The following TOM1L2 variants were observed in gnomAD, a reference collection of about 807,000 sequenced individuals.
TOM1L2 encodes target of myb1 like 2 membrane trafficking protein, also known as TOM1-like protein 2.
Under a neutral mutation model 67.9 loss-of-function variants are expected in TOM1L2, and 31 were observed. That is an observed-to-expected ratio of 0.46 (90% CI 0.34 to 0.62). TOM1L2 has a LOEUF of 0.62. Among genes scored for constraint, TOM1L2 ranks in the 20% least tolerant of loss-of-function variants. TOM1L2 has a pLI of 0.01. For synonymous variants in TOM1L2, 256 were observed against 254.0 expected (o/e 1.01, Z -0.07); for missense variants, 606 against 663.5 (o/e 0.91, Z 0.95).
intron 1 of TOM1L2, among the ~76,000 whole-genome samples, chr17:17,917,036 T>G (rs969149400): frequency 1.3e-5 from 2 of 152,086 alleles, no homozygotes; most frequent in Admixed American, 1.3e-4. Context: ...GGCACACACC[T>G]ATAGTCCCAG....
intron 1 of TOM1L2, among the ~76,000 whole-genome samples, chr17:17,947,848 C>A (rs8065416): frequency 3.3e-5 from 5 of 151,860 alleles, no homozygotes; most frequent in Admixed American, 1.3e-4. Context: ...TTTTTAATTT[C>A]TTTTGGTAGC....
intron 1 of TOM1L2, among the ~76,000 whole-genome samples, chr17:17,940,273 G>C (rs2040680879): frequency 6.6e-6 from 1 of 151,720 alleles, no homozygotes; most frequent in South Asian, 2.1e-4. Flanking sequence ...AGCTTATACG[G>C]GTCAAGCACT....
chr17:17,950,464 T>C (rs1056938364), intron 1 of TOM1L2, among the ~76,000 whole-genome samples: 4 of 148,630 alleles, frequency 2.7e-5, no homozygotes, highest in Non-Finnish European at 4.5e-5. Context: ...TAGCCTCTCT[T>C]TTTTTTTTTT....
chr17:17,956,191 G>A (rs1440313775), intron 1 of TOM1L2, among the ~76,000 whole-genome samples: 1 of 152,200 alleles, frequency 6.6e-6, no homozygotes, highest in African/African-American at 2.4e-5. Flanking sequence ...GAACTGATTG[G>A]TCTGTTTTAC....
At chr17:17,938,578 G>A (rs1677072338) in intron 1 of TOM1L2, among the ~76,000 whole-genome samples, 1 of 152,132 alleles carries the variant, frequency 6.6e-6, no homozygotes, top group Admixed American at 6.6e-5. Context: ...TGAGACTCAA[G>A]ATAGGCATGA....
At chr17:17,956,135 T>C (rs1318106396) in intron 1 of TOM1L2, among the ~76,000 whole-genome samples, 1 of 152,222 alleles carries the variant, frequency 6.6e-6, no homozygotes, top group African/African-American at 2.4e-5. Context: ...TTACCACTAC[T>C]GCCTCTGGCC....
At chr17:17,896,848 C>T (rs1289289312) in intron 3 of TOM1L2, among the ~76,000 whole-genome samples, 2 of 152,056 alleles carry the variant, frequency 1.3e-5, no homozygotes, top group Non-Finnish European at 2.9e-5. Flanking sequence ...ATATGAAGTC[C>T]GGAGAGGGCC....
chr17:17,933,687 T>C (rs1025445241), intron 1 of TOM1L2, among the ~76,000 whole-genome samples: 5 of 152,180 alleles, frequency 3.3e-5, no homozygotes, highest in South Asian at 2.1e-4. Context: ...GGAGCCATAA[T>C]AGTTGTCTGA....
intron 12 of TOM1L2, among the ~76,000 whole-genome samples, chr17:17,857,590 C>T (rs2036313642): frequency 1.3e-5 from 2 of 152,174 alleles, no homozygotes; most frequent in African/African-American, 4.8e-5. Flanking sequence ...GAATCTGTGG[C>T]TTACAGAGAT....
chr17:17,886,734 G>A (rs1469239058), intron 4 of TOM1L2, among the ~76,000 whole-genome samples: 19 of 152,216 alleles, frequency 1.2e-4, no homozygotes, highest in Admixed American at 1.2e-3. Flanking sequence ...TGAGATAATA[G>A]GAATAAAGAT....
chr17:17,892,432 G>A (rs2038335846), intron 4 of TOM1L2, among the ~76,000 whole-genome samples: 1 of 152,180 alleles, frequency 6.6e-6, no homozygotes, highest in African/African-American at 2.4e-5. Context: ...CAGGCTGGAT[G>A]TGCCTGTTGA....
At chr17:17,908,011 ACAGT>A (rs1225158381) in intron 1 of TOM1L2, among the ~76,000 whole-genome samples, 1 of 152,238 alleles carries the variant, frequency 6.6e-6, no homozygotes, top group Non-Finnish European at 1.5e-5. Context: ...AGCCTAGCAC[ACAGT>A]CAGTACTATA....
intron 12 of TOM1L2, chr17:17,859,151 A>G (rs1172483851): frequency 6.6e-6 from 1 of 152,112 alleles, no homozygotes; most frequent in African/African-American, 2.4e-5. Context: ...ATGTCGGCTC[A>G]CTGCAACGTC....
chr17:17,929,174 G>C (rs1209783911), intron 1 of TOM1L2, among the ~76,000 whole-genome samples: 1 of 152,208 alleles, frequency 6.6e-6, no homozygotes, highest in Non-Finnish European at 1.5e-5. Context: ...GACTGTGGCT[G>C]CTCAGCAGCG....
intron 1 of TOM1L2, among the ~76,000 whole-genome samples, chr17:17,956,095 C>T (rs1467373341): frequency 6.6e-6 from 1 of 152,164 alleles, no homozygotes; most frequent in Non-Finnish European, 1.5e-5. Context: ...AGAACAAAGC[C>T]TCCCCCGCAC....
intron 6 of TOM1L2, among the ~76,000 whole-genome samples, chr17:17,881,370 G>A (rs971576752): frequency 1.6e-4 from 25 of 152,160 alleles, no homozygotes; most frequent in African/African-American, 5.8e-4. Context: ...GGGGCAACAT[G>A]CCTCAGGGCT....
intron 12 of TOM1L2, chr17:17,859,867 C>T (rs970620328): frequency 1.6e-4 from 24 of 152,288 alleles, no homozygotes; most frequent in African/African-American, 5.3e-4. Flanking sequence ...GGCGCCAGAG[C>T]GAGACTCCAT....
intron 8 of TOM1L2, 29 bp downstream of exon 8, chr17:17,869,308 GAAA>G (rs34879782): frequency 2.1e-4 from 319 of 1,514,340 alleles, no homozygotes; most frequent in South Asian, 5.9e-4. Flanking sequence ...CTTTTCAAGG[GAAA>G]AAAAAAAAAA....
At chr17:17,906,156 T>C (rs1308204850) in intron 2 of TOM1L2, among the ~76,000 whole-genome samples, 2 of 149,044 alleles carry the variant, frequency 1.3e-5, no homozygotes, top group Non-Finnish European at 3.0e-5. Context: ...TGAGACAGGG[T>C]TTTTCTCTGT....
Sources: allele counts gnomAD v4.1 joint callset (sites outside exome capture counted in the v4.1 genomes callset), GRCh38; gene constraint gnomAD v4.1.1; transcripts MANE v1.5; gene names NCBI Gene and HGNC (gene_info 2026-07-23, HGNC 2026-07-21).